The following VNN1 variants were observed in gnomAD, a reference collection of about 807,000 sequenced individuals.
The protein encoded by VNN1 is pantetheinase.
In VNN1, 29 loss-of-function variants were observed where a neutral mutation model predicts 41.9. That is an observed-to-expected ratio of 0.69 (90% CI 0.52 to 0.94). The LOEUF is 0.94. Among genes scored for constraint, VNN1 ranks in the 40% least tolerant of loss-of-function variants. The probability of loss-of-function intolerance (pLI) is 0.00; values close to 1 mark genes in which losing one functional copy is unlikely to be tolerated. For missense variants in VNN1, 637 were observed against 621.1 expected, an observed-to-expected ratio of 1.03 and a Z score of -0.27; for synonymous variants, 233 against 224.4, an observed-to-expected ratio of 1.04 and a Z score of -0.34.
intron 2 of VNN1, among the ~76,000 whole-genome samples, chr6:132,706,948 C>A (rs763015264): frequency 6.6e-6 from 1 of 151,654 alleles, no homozygotes; most frequent in Non-Finnish European, 1.5e-5. Context: ...GCAAATCAAC[C>A]GGGCATGGTG....
rs1002134137 is a variant in VNN1 at position 132,692,262 on chromosome 6, A to C, written c.1149T>G (p.Phe383Leu). 1.2e-6 allele frequency: 2 copies of C among 1,609,596 alleles called. No homozygotes were observed. The highest frequency in any genetic ancestry group is 1.7e-6 in the Non-Finnish European group (2 of 1,177,674). Residue 383 changes from phenylalanine (F) to leucine (L), a missense_variant, in exon 5 of 7, where the codon TTT becomes TTG. Transcript: ENST00000367928. ...GCCCTTCCACAGTGTGCAGTCCGTCAAATGCCCCTAGAGCGTACACTTCAT... is the reference window on the plus strand; with the variant it reads ...GCCCTTCCACAGTGTGCAGTCCGTCCAATGCCCCTAGAGCGTACACTTCAT... Reference protein sequence around the residue: ...IPNEVYALGAFDGLHTVEGRY... With the variant: ...IPNEVYALGALDGLHTVEGRY...
intron 6 of VNN1, among the ~76,000 whole-genome samples, chr6:132,684,054 C>G (rs1778170471): frequency 6.6e-6 from 1 of 152,076 alleles, no homozygotes; most frequent in African/African-American, 2.4e-5. Flanking sequence ...GGTTCTGAAA[C>G]TACTCTCGTT....
At chr6:132,707,830 ATAGT>A (rs1262404308) in intron 2 of VNN1, among the ~76,000 whole-genome samples, 5 of 152,236 alleles carry the variant, frequency 3.3e-5, no homozygotes, top group African/African-American at 4.8e-5. Context: ...GTACAAAAAA[ATAGT>A]TAGAATGAAT....
rs75251762 is a variant in VNN1 at position 132,682,746 on chromosome 6, G to A, written c.*394C>T. 0.028 allele frequency: 4,233 copies of A among 153,682 alleles called. 194 individuals are homozygous for A. Among genetic ancestry groups the A allele is most frequent in the African/African-American group, 0.097 (4,021 of 41,574 alleles). 9.5% of individuals were successfully genotyped at this position (153,682 alleles called of 1,614,324 possible). A position where few individuals can be genotyped will look rare whatever the true frequency, so the allele number is the denominator to read the frequency against. On this transcript the variant is annotated 3_prime_UTR_variant, in exon 7 of 7. Coordinates refer to ENST00000367928, the MANE Select transcript of VNN1 (RefSeq NM_004666.3). ...AAAACAAAAAGAGCAAACAAACAAA[G>A]TCATTGGAAATTTTCAGCAGAGCTG...
rs749105067 is a variant in VNN1 at position 132,685,507 on chromosome 6, A to AT, written c.1189-1003dup. 2.6e-5 allele frequency among the ~76,000 whole-genome samples: 4 copies of AT among 152,116 alleles called. No homozygotes were observed. In the East Asian group the frequency reaches 5.8e-4, roughly 22 times the overall value. On this transcript the variant is annotated intron_variant, in intron 5 of 6. Coordinates refer to ENST00000367928, the MANE Select transcript of VNN1 (RefSeq NM_004666.3). ...TCCTACAATCCTTCAAAAGAACACT[A>AT]TTTTTTTTAACCCACAAAGGTAGGA...
intron 5 of VNN1, 68 bp downstream of exon 5, chr6:132,692,155 A>G: frequency 1.4e-6 from 2 of 1,452,674 alleles, no homozygotes; most frequent in South Asian, 3.2e-5. Flanking sequence ...TTCATTATTT[A>G]TCTAAACTGT....
At chr6:132,713,274 A>G (rs1195009628) in intron 1 of VNN1, among the ~76,000 whole-genome samples, 1 of 152,256 alleles carries the variant, frequency 6.6e-6, no homozygotes. Context: ...CACAATTTAT[A>G]CTGTATGATT....
chr6:132,691,393 G>A (rs1778281927), intron 5 of VNN1, among the ~76,000 whole-genome samples: 1 of 151,930 alleles, frequency 6.6e-6, no homozygotes, highest in South Asian at 2.1e-4. Flanking sequence ...GGACCATGGA[G>A]GCCACTTGCG....
intron 2 of VNN1, among the ~76,000 whole-genome samples, chr6:132,710,407 T>C (rs1562221734): frequency 6.6e-6 from 1 of 152,116 alleles, no homozygotes; most frequent in Non-Finnish European, 1.5e-5. Flanking sequence ...AGTTCTGAGA[T>C]ACATGTGCAG....
intron 2 of VNN1, among the ~76,000 whole-genome samples, chr6:132,700,587 C>A (rs1367392538): frequency 6.6e-6 from 1 of 152,050 alleles, no homozygotes; most frequent in African/African-American, 2.4e-5. Flanking sequence ...AGACCCCAAG[C>A]AGAACACCAG....
intron 2 of VNN1, among the ~76,000 whole-genome samples, chr6:132,711,335 C>T (rs1264254965): frequency 6.6e-6 from 1 of 152,172 alleles, no homozygotes; most frequent in Non-Finnish European, 1.5e-5. Flanking sequence ...ACATTAACCT[C>T]ATCAGCTATC....
chr6:132,702,970 TG>T (rs1196388721), intron 2 of VNN1, among the ~76,000 whole-genome samples: 1 of 151,962 alleles, frequency 6.6e-6, no homozygotes. Flanking sequence ...TGGGGAGGCA[TG>T]GGGAGGAAAG....
intron 2 of VNN1, among the ~76,000 whole-genome samples, chr6:132,699,942 T>G (rs1778427227): frequency 6.6e-6 from 1 of 152,180 alleles, no homozygotes; most frequent in African/African-American, 2.4e-5. Context: ...GCATCTTTCT[T>G]AATAGCATGA....
intron 1 of VNN1, among the ~76,000 whole-genome samples, chr6:132,712,119 G>A (rs1424531861): frequency 6.9e-6 from 1 of 145,500 alleles, no homozygotes; most frequent in Non-Finnish European, 1.5e-5. Context: ...TAATGGTGAG[G>A]TTTGGGCTTC....
chr6:132,692,666 A>G lies in VNN1; in HGVS notation c.827-82T>C, dbSNP rs560427659. The stretch of plus-strand genomic sequence containing the variant: ...TAATTGTTATTACTATTTTAACCTC[A>G]TATTCACATTTTACTCTCTCTAAGT... On this transcript the variant is annotated intron_variant, in intron 4 of 6. Coordinates refer to ENST00000367928, the MANE Select transcript of VNN1 (RefSeq NM_004666.3). 2.3e-5 allele frequency: 33 copies of G among 1,461,716 alleles called. No individual in the cohort carries two copies. In the South Asian group the frequency reaches 3.7e-4, roughly 17 times the overall value. 90.5% of individuals were successfully genotyped at this position (1,461,716 alleles called of 1,614,324 possible).
chr6:132,693,056 G>A lies in VNN1; in HGVS notation c.794C>T (p.Ser265Phe). 3 of 1,613,180 alleles carry A rather than the reference G, an allele frequency of 1.9e-6. No individual in the cohort carries two copies. The highest frequency in any genetic ancestry group is 2.5e-6 in the Non-Finnish European group (3 of 1,179,456). Reference protein sequence around the residue: ...AMGMRVNFLASNIHYPSKKMT... With the variant: ...AMGMRVNFLAFNIHYPSKKMT... Reference sequence around the variant, plus strand: ...TTTCTTTGAGGGGTAATGTATGTTGGATGCAAGGAAATTGACCCTCATGCC... The same window carrying A: ...TTTCTTTGAGGGGTAATGTATGTTGAATGCAAGGAAATTGACCCTCATGCC... The change falls in exon 4 of 7, where the codon TCC (serine) becomes TTC (phenylalanine). Residue 265 changes from serine (S) to phenylalanine (F), a missense_variant. By Grantham distance (155) the Ser-to-Phe change is radical. Coordinates refer to ENST00000367928, the MANE Select transcript of VNN1 (RefSeq NM_004666.3).
At chr6:132,683,881 T>C (rs1221102926) in intron 6 of VNN1, among the ~76,000 whole-genome samples, 2 of 152,192 alleles carry the variant, frequency 1.3e-5, no homozygotes, top group African/African-American at 4.8e-5. Flanking sequence ...GTTTTTGCTT[T>C]TTTGCTAACA....
intron 5 of VNN1, among the ~76,000 whole-genome samples, chr6:132,686,936 A>AC (rs879893065): frequency 2.0e-5 from 3 of 152,162 alleles, no homozygotes; most frequent in Admixed American, 6.5e-5. Flanking sequence ...TAACAAAAAT[A>AC]AAAGATTCAG....
At chr6:132,703,900 G>A (rs912325817) in intron 2 of VNN1, among the ~76,000 whole-genome samples, 2 of 152,052 alleles carry the variant, frequency 1.3e-5, no homozygotes, top group African/African-American at 2.4e-5. Context: ...AAAGGAGCAG[G>A]GGTAGCTATA....
Sources: allele counts gnomAD v4.1 joint callset (sites outside exome capture counted in the v4.1 genomes callset), GRCh38; gene constraint gnomAD v4.1.1; transcripts MANE v1.5; gene names NCBI Gene and HGNC (gene_info 2026-07-23, HGNC 2026-07-21).